The following LRTM1 variants were observed in gnomAD, a reference collection of about 807,000 sequenced individuals.
LRTM1 encodes the protein leucine rich repeat transmembrane protein 1, also known as leucine-rich repeat and transmembrane domain-containing protein 1.
In LRTM1, 38 loss-of-function variants were observed where a neutral mutation model predicts 32.4. The ratio of observed to expected loss-of-function variants is 1.17; its 90% CI spans 0.91 to 1.54. The LOEUF is 1.54. Among genes scored for constraint, LRTM1 ranks in the 40% most tolerant of loss-of-function variants. LRTM1 has a pLI of 0.00. For missense variants in LRTM1, 466 were observed against 415.4 expected (o/e 1.12, Z -1.06); for synonymous variants, 186 against 169.9 (o/e 1.09, Z -0.74).
chr3:54,938,998 G>A (rs182627609), intron 1 of LRTM1, among the ~76,000 whole-genome samples: 77 of 152,290 alleles, frequency 5.1e-4, no homozygotes, highest in African/African-American at 1.9e-3. Context: ...GCACACGTTA[G>A]ACAGCAAACT....
intron 2 of LRTM1, among the ~76,000 whole-genome samples, chr3:54,922,292 G>A (rs1038526256): frequency 6.6e-6 from 1 of 151,092 alleles, no homozygotes; most frequent in African/African-American, 2.4e-5. Context: ...CCCATCCCAG[G>A]TTGCTTCCAG....
intron 1 of LRTM1, among the ~76,000 whole-genome samples, chr3:54,954,507 G>A (rs1385934609): frequency 6.6e-6 from 1 of 152,242 alleles, no homozygotes; most frequent in Non-Finnish European, 1.5e-5. Flanking sequence ...ACATCAGGGT[G>A]CATATCTTTC....
At chr3:54,948,673 C>T (rs1027805698) in intron 1 of LRTM1, among the ~76,000 whole-genome samples, 1 of 152,202 alleles carries the variant, frequency 6.6e-6, no homozygotes, top group Non-Finnish European at 1.5e-5. Context: ...GGGAAGGGCA[C>T]CATTCATGCC....
chr3:54,931,222 G>A (rs1468886236), upstream of LRTM1, among the ~76,000 whole-genome samples: 1 of 152,188 alleles, frequency 6.6e-6, no homozygotes, highest in African/African-American at 2.4e-5. Flanking sequence ...AAGCCCCAGA[G>A]CTAATGGGTT....
intron 2 of LRTM1, among the ~76,000 whole-genome samples, chr3:54,924,266 G>C (rs1700944737): frequency 1.3e-5 from 2 of 152,206 alleles, no homozygotes. Context: ...AATTGGATCA[G>C]ACTTGATAAT....
At chr3:54,931,155 A>G (rs1158939635), upstream of LRTM1, among the ~76,000 whole-genome samples, 1 of 152,202 alleles carries the variant, frequency 6.6e-6, no homozygotes, top group Non-Finnish European at 1.5e-5. Flanking sequence ...ACAGACTTCA[A>G]AGAGTCTGAG....
intron 1 of LRTM1, among the ~76,000 whole-genome samples, chr3:54,966,628 G>A (rs1702157596): frequency 1.3e-5 from 2 of 152,134 alleles, no homozygotes; most frequent in South Asian, 4.1e-4. Context: ...AGATCAGCCT[G>A]GCTAACATGG....
At chr3:54,929,526 C>T (rs1240833218), upstream of LRTM1, among the ~76,000 whole-genome samples, 1 of 152,174 alleles carries the variant, frequency 6.6e-6, no homozygotes, top group Non-Finnish European at 1.5e-5. Flanking sequence ...TGGACTCTTT[C>T]ATCCTTTGGC....
chr3:54,935,450 A>G (rs540655440), intron 1 of LRTM1, among the ~76,000 whole-genome samples: 1 of 152,250 alleles, frequency 6.6e-6, no homozygotes, highest in South Asian at 2.1e-4. Context: ...GCTAGTTGAC[A>G]TAAAGTTAAT....
At chr3:54,930,474 G>A (rs113167384), upstream of LRTM1, among the ~76,000 whole-genome samples, 10 of 152,340 alleles carry the variant, frequency 6.6e-5, no homozygotes, top group African/African-American at 2.4e-4. Context: ...ATATTTAGCT[G>A]TGTCTATAAG....
Position 54,918,555 on chromosome 3 carries a change from C to T in LRTM1, c.942G>A (p.Ala314=), listed in dbSNP as rs746522285. ...CCCCATGGTACTGGGCTGTGATTGC[C>T]GCATAGGTGCAGCCATAGATGGCAG... ...LAAAIYGCTY[A]AITAQYHGGP... is the part of the protein sequence containing the mutation. The change falls in exon 3 of 3, where the codon GCG becomes GCA. Residue 314 remains alanine, a synonymous_variant. Coordinates refer to ENST00000273286, the MANE Select transcript of LRTM1 (RefSeq NM_020678.4). 1.8e-5 allele frequency: 29 copies of T among 1,613,876 alleles called. No homozygotes were observed. Among genetic ancestry groups the T allele is most frequent in the African/African-American group, 2.7e-5 (2 of 74,870 alleles).
chr3:54,945,604 A>G (rs559210063), intron 1 of LRTM1, among the ~76,000 whole-genome samples: 1 of 152,294 alleles, frequency 6.6e-6, no homozygotes, highest in Admixed American at 6.5e-5. Flanking sequence ...AAGTTCTTCA[A>G]ACTTTAGTGT....
At chr3:54,929,652 A>C (rs1161283221), upstream of LRTM1, among the ~76,000 whole-genome samples, 1 of 152,122 alleles carries the variant, frequency 6.6e-6, no homozygotes, top group African/African-American at 2.4e-5. Flanking sequence ...TGAGCATCAC[A>C]CATACAATGG....
At chr3:54,963,563 AT>A (rs1702080360) in intron 1 of LRTM1, among the ~76,000 whole-genome samples, 1 of 152,204 alleles carries the variant, frequency 6.6e-6, no homozygotes, top group Non-Finnish European at 1.5e-5. Flanking sequence ...ATGGCCACTA[AT>A]TTGGACAGCA....
intron 2 of LRTM1, among the ~76,000 whole-genome samples, chr3:54,919,836 G>C (rs1435920286): frequency 6.6e-6 from 1 of 152,232 alleles, no homozygotes; most frequent in Non-Finnish European, 1.5e-5. Flanking sequence ...GACTCACAGA[G>C]GTCACGAGTG....
Position 54,924,968 on chromosome 3 carries a change from G to A in LRTM1, c.255C>T (p.Ser85=). The A allele has an allele frequency of 6.2e-7, 1 of 1,611,160 alleles. No homozygotes were observed. The highest frequency in any genetic ancestry group is 1.1e-5 in the South Asian group (1 of 91,054). The change falls in exon 2 of 3, where the codon TCC becomes TCT. Residue 85 remains serine, a synonymous_variant. Transcript: ENST00000273286. ...AAGCTCCAGGGGCCAGATTTGAAAG[G>A]GAATTGTTGGACAAGTTTAAGGTCA... The part of the protein sequence containing the change: ...WLMTLNLSNN[S]LSNLAPGAFH...
intron 2 of LRTM1, among the ~76,000 whole-genome samples, chr3:54,919,504 C>T (rs991255226): frequency 2.6e-5 from 4 of 152,150 alleles, no homozygotes; most frequent in Non-Finnish European, 4.4e-5. Context: ...AGAACATTTA[C>T]GGCTTTGAAT....
At chr3:54,956,982 C>G (rs1701913909) in intron 1 of LRTM1, among the ~76,000 whole-genome samples, 1 of 151,940 alleles carries the variant, frequency 6.6e-6, no homozygotes, top group African/African-American at 2.4e-5. Context: ...CTTCTATGAC[C>G]CTTGCTCTTC....
In LRTM1 at chr3:54,918,704, C is replaced by T. The variant is rs61735200; in HGVS notation, c.793G>A (p.Glu265Lys). ...AGCTCGCACTCCAAGAGTTCTCGCT[C>T]CCCCGCGTTGTGGTTCTCAGGAGGC... is the stretch of plus-strand genomic sequence containing the variant. ...LRPPENHNAGERELLECELKP... is the reference protein window; with the variant it reads ...LRPPENHNAGKRELLECELKP... The change falls in exon 3 of 3, where the codon GAG becomes AAG. Residue 265 changes from glutamate to lysine, a missense_variant. Coordinates refer to ENST00000273286, the MANE Select transcript of LRTM1 (RefSeq NM_020678.4). The T allele has an allele frequency of 8.7e-6, 14 of 1,614,132 alleles. No individual in the cohort carries two copies. The highest frequency in any genetic ancestry group is 4.5e-5 in the East Asian group (2 of 44,852).
Sources: allele counts gnomAD v4.1 joint callset (sites outside exome capture counted in the v4.1 genomes callset), GRCh38; gene constraint gnomAD v4.1.1; transcripts MANE v1.5; gene names NCBI Gene and HGNC (gene_info 2026-07-23, HGNC 2026-07-21).